Variants in PCMTD1 observed in about 807,000 individuals in gnomAD.
PCMTD1 encodes protein-L-isoaspartate (D-aspartate) O-methyltransferase domain containing 1, also known as protein-L-isoaspartate O-methyltransferase domain-containing protein 1.
A neutral mutation model predicts 37.6 loss-of-function variants in PCMTD1; 12 were observed. The ratio of observed to expected loss-of-function variants is 0.32; its 90% CI spans 0.20 to 0.52. The LOEUF (loss-of-function observed/expected upper bound fraction) is 0.52, where lower values mean the gene tolerates loss of function less well. PCMTD1 is among the 20% of genes least tolerant of loss of function. PCMTD1 has a pLI of 0.97. For missense variants in PCMTD1, 235 were observed against 421.3 expected, an observed-to-expected ratio of 0.56 and a Z score of 3.87; for synonymous variants, 117 against 135.8, an observed-to-expected ratio of 0.86 and a Z score of 0.96.
chr8:51,852,835 G>A (rs1304121143), intron 2 of PCMTD1, among the ~76,000 whole-genome samples: 1 of 152,214 alleles, frequency 6.6e-6, no homozygotes, highest in African/African-American at 2.4e-5. Flanking sequence ...AAAGGAAACA[G>A]AGGAGAAAGA....
At chr8:51,848,183 T>TCAA (rs966129472) in intron 2 of PCMTD1, among the ~76,000 whole-genome samples, 18 of 151,982 alleles carry the variant, frequency 1.2e-4, no homozygotes, top group African/African-American at 4.4e-4. Context: ...AGATAGGAGT[T>TCAA]CAATTGAAAA....
At chr8:51,864,935 C>CA (rs1447466554) in intron 1 of PCMTD1, among the ~76,000 whole-genome samples, 1 of 151,460 alleles carries the variant, frequency 6.6e-6, no homozygotes, top group African/African-American at 2.4e-5. Context: ...TAAACAAAAT[C>CA]AAAAAACCTT....
intron 1 of PCMTD1, among the ~76,000 whole-genome samples, chr8:51,878,997 G>A (rs1199003839): frequency 2.7e-4 from 41 of 152,062 alleles, no homozygotes; most frequent in Non-Finnish European, 1.0e-4. Flanking sequence ...GTGGTAATGT[G>A]CACCTGTGAT....
Position 51,867,476 on chromosome 8 carries a change from GGTGTGTGTGTGT to G in PCMTD1, c.-95-6242_-95-6231del, listed in dbSNP as rs59206546. Among the ~76,000 whole-genome samples the G allele has an allele frequency of 1.4e-3, 194 of 141,586 alleles. 2 individuals are homozygous for G. The highest frequency in any genetic ancestry group is 3.6e-3 in the Middle Eastern group (1 of 280). 92.9% of individuals were successfully genotyped at this position (141,586 alleles called of 152,430 possible). A position where few individuals can be genotyped will look rare whatever the true frequency, so the allele number is the denominator to read the frequency against. ...CATCAGAGGAATGGGTAAAGAAAAT[GGTGTGTGTGTGT>G]GTGTGTGTGTGTGTGTGTGTGTGTG... On this transcript the variant is annotated intron_variant, in intron 1 of 5. Transcript: ENST00000522514.
chr8:51,826,488 T>C (rs2037923063), intron 5 of PCMTD1, among the ~76,000 whole-genome samples: 1 of 152,258 alleles, frequency 6.6e-6, no homozygotes, highest in Non-Finnish European at 1.5e-5. Flanking sequence ...AACTGCACAT[T>C]CTGCACATGT....
chr8:51,879,479 G>A (rs935008214), intron 1 of PCMTD1, among the ~76,000 whole-genome samples: 1 of 152,172 alleles, frequency 6.6e-6, no homozygotes, highest in African/African-American at 2.4e-5. Flanking sequence ...TTAAGAATCT[G>A]AGGTGGGCTA....
Position 51,857,015 on chromosome 8 carries a change from T to G in PCMTD1, c.307+3830A>C, listed in dbSNP as rs148091737. Among the ~76,000 whole-genome samples the G allele has an allele frequency of 4.1e-3, 626 of 152,308 alleles. 9 individuals carry two copies. Among genetic ancestry groups the G allele is most frequent in the Middle Eastern group, 0.027 (8 of 294 alleles). On this transcript the variant is annotated intron_variant, in intron 2 of 5. Transcript: ENST00000522514. ...GAGGCAGAGCGAGCAAGAGAGAACA[T>G]GCATAAGCATGCAGGCAAAAGAGAG...
At chr8:51,895,810 G>A (rs1030250495) in intron 1 of PCMTD1, 2 of 152,064 alleles carry the variant, frequency 1.3e-5, no homozygotes, top group African/African-American at 4.8e-5. Flanking sequence ...CGCCATTTAG[G>A]TATGAATCCA....
intron 1 of PCMTD1, among the ~76,000 whole-genome samples, chr8:51,894,773 CA>C (rs2038977627): frequency 7.3e-6 from 1 of 136,348 alleles, no homozygotes; most frequent in Non-Finnish European, 1.6e-5. Flanking sequence ...TCAGGAACCA[CA>C]ATGCAGTAAG....
Position 51,818,566 on chromosome 8 carries a change from C to G in PCMTD1, c.*1785G>C, listed in dbSNP as rs1222670453. 1.3e-5 allele frequency: 2 copies of G among 152,380 alleles called. No individual in the cohort carries two copies. The highest frequency in any genetic ancestry group is 2.9e-5 in the Non-Finnish European group (2 of 68,116). The allele number at this position is 152,380 out of a possible 1,614,324, so 9.4% of individuals were successfully genotyped here. ...AATGAGCATTTCTGACAGATGACAA[C>G]AGTATGAAACTGATTTTTTTCTTTC... is the stretch of plus-strand genomic sequence containing the variant. On this transcript the variant is annotated 3_prime_UTR_variant, in exon 6 of 6. Coordinates refer to ENST00000522514, the MANE Select transcript of PCMTD1 (RefSeq NM_052937.4).
chr8:51,862,946 G>C (rs562727055), intron 1 of PCMTD1, among the ~76,000 whole-genome samples: 10 of 152,084 alleles, frequency 6.6e-5, no homozygotes, highest in Admixed American at 6.5e-4. Flanking sequence ...CAGTGCAATA[G>C]GAGATGCCAA....
intron 3 of PCMTD1, among the ~76,000 whole-genome samples, chr8:51,843,313 G>C (rs16916885): frequency 0.025 from 3,785 of 152,020 alleles, 162 homozygotes; most frequent in African/African-American, 0.086. Flanking sequence ...TAATGTTTTA[G>C]TACACTGAAA....
intron 1 of PCMTD1, among the ~76,000 whole-genome samples, chr8:51,867,259 AGCTT>A (rs2038568436): frequency 6.6e-6 from 1 of 152,130 alleles, no homozygotes; most frequent in Non-Finnish European, 1.5e-5. Context: ...AAATTAATAC[AGCTT>A]TATGAAAAAC....
chr8:51,826,676 C>T (rs2037926034), intron 5 of PCMTD1, among the ~76,000 whole-genome samples: 1 of 152,062 alleles, frequency 6.6e-6, no homozygotes. Flanking sequence ...TTGAAAACGG[C>T]ATTTTATTTA....
intron 3 of PCMTD1, among the ~76,000 whole-genome samples, chr8:51,840,483 A>G (rs151131691): frequency 6.6e-6 from 1 of 152,124 alleles, no homozygotes; most frequent in African/African-American, 2.4e-5. Flanking sequence ...ATCTCTAACA[A>G]TTGTTATAAA....
At chr8:51,821,619 T>C (rs146554260) in intron 5 of PCMTD1, among the ~76,000 whole-genome samples, 2,110 of 152,272 alleles carry the variant, frequency 0.014, 31 homozygotes, top group Middle Eastern at 0.044. Flanking sequence ...CCTGCACTTA[T>C]GCAACTTGCA....
rs572485468 is a variant in PCMTD1, at chr8:51,857,394, T to A, written c.307+3451A>T. Among the ~76,000 whole-genome samples the A allele has an allele frequency of 3.7e-3, 559 of 152,278 alleles. 8 individuals are homozygous for A. Among genetic ancestry groups the A allele is most frequent in the African/African-American group, 0.013 (521 of 41,546 alleles). On this transcript the variant is annotated intron_variant, in intron 2 of 5. Transcript: ENST00000522514. ...TATAAGATACCTAGAATTTTTATAT[T>A]ATGGTTTATACAAGAAAATGAAAAT...
At chr8:51,837,414 A>T (rs2038083725) in intron 3 of PCMTD1, among the ~76,000 whole-genome samples, 1 of 152,206 alleles carries the variant, frequency 6.6e-6, no homozygotes, top group Non-Finnish European at 1.5e-5. Context: ...GGAAAGATAT[A>T]AATAAAATTG....
chr8:51,868,700 T>C (rs1286027513), intron 1 of PCMTD1, among the ~76,000 whole-genome samples: 1 of 151,796 alleles, frequency 6.6e-6, no homozygotes, highest in African/African-American at 2.4e-5. Context: ...ACATAAATAA[T>C]AACTTAAACC....
Sources: allele counts gnomAD v4.1 joint callset (sites outside exome capture counted in the v4.1 genomes callset), GRCh38; gene constraint gnomAD v4.1.1; transcripts MANE v1.5; gene names NCBI Gene and HGNC (gene_info 2026-07-23, HGNC 2026-07-21).